Variants in TUBGCP3 observed in about 807,000 individuals in gnomAD.
TUBGCP3 encodes tubulin gamma complex component 3.
In TUBGCP3, 50 loss-of-function variants were observed where a neutral mutation model predicts 123.1. The ratio of observed to expected loss-of-function variants is 0.41; its 90% CI spans 0.32 to 0.51. The LOEUF (loss-of-function observed/expected upper bound fraction) is 0.51. TUBGCP3 is among the 20% of genes least tolerant of loss of function. The pLI is 0.36. For missense variants in TUBGCP3, 882 were observed against 1,127.0 expected (o/e 0.78, Z 3.11); for synonymous variants, 405 against 413.9 (o/e 0.98, Z 0.26).
In TUBGCP3 at chr13:112,527,262, C is replaced by T. The variant is rs145070693; in HGVS notation, c.1446+112G>A. ...ACATGCACTTACTTCATCTCCAGAACGTTAACAATCTCAAAACGCATGAAA... is the reference window on the plus strand; with the variant it reads ...ACATGCACTTACTTCATCTCCAGAATGTTAACAATCTCAAAACGCATGAAA... On this transcript the variant is annotated intron_variant, in intron 12 of 21. Coordinates refer to ENST00000261965, the MANE Select transcript of TUBGCP3 (RefSeq NM_006322.6). 1.6e-4 allele frequency: 137 copies of T among 832,966 alleles called. No individual in the cohort carries two copies. In the East Asian group the frequency reaches 3.1e-3, roughly 19 times the overall value. The allele number at this position is 832,966 out of a possible 1,614,324, so 51.6% of individuals were successfully genotyped here.
At chr13:112,538,655 C>G (rs1878258870) in intron 11 of TUBGCP3, among the ~76,000 whole-genome samples, 1 of 152,068 alleles carries the variant, frequency 6.6e-6, no homozygotes, top group South Asian at 2.1e-4. Context: ...CAATTTCTAT[C>G]TCTTTATTGA....
rs575215360 is a variant in TUBGCP3 at position 112,551,613 on chromosome 13, C to T, written c.966+2444G>A. 5.3e-5 allele frequency among the ~76,000 whole-genome samples: 8 copies of T among 152,302 alleles called. No individual in the cohort carries two copies. In the East Asian group the frequency reaches 1.5e-3, roughly 29 times the overall value. ...GAGACAGCTTTGGAACAGAGTGACA[C>T]GTCACACCCTAGTCCATACCTGCCA... is the stretch of plus-strand genomic sequence containing the variant. On this transcript the variant is annotated intron_variant, in intron 8 of 21. Transcript: ENST00000261965.
At position 112,519,898 on chromosome 13, in the gene TUBGCP3, C is replaced by T. The variant is rs201639739; in HGVS notation, c.1869G>A (p.Val623=). The change falls in exon 15 of 22, where the codon GTG becomes GTA. Residue 623 remains valine (V), a synonymous_variant. Transcript: ENST00000261965. The surrounding 1 kb of genome is among the most constrained non-coding windows in gnomAD (Gnocchi z 6.2). ...AGAGCCGCAGTACCTCCAGCAGCCG[C>T]ACGTCCAGCCTTCGCAGGATCTCAG... The part of the protein sequence containing the change: ...DSPEILRRLD[V]RLLEVSPGDT... 1 of 1,613,416 alleles carries T rather than the reference C, an allele frequency of 6.2e-7. No homozygotes were observed. The highest frequency in any genetic ancestry group is 2.2e-5 in the East Asian group (1 of 44,854).
chr13:112,600,449 G>C, the TUBGCP3 span, among the ~76,000 whole-genome samples: 1 of 151,986 alleles, frequency 6.6e-6, no homozygotes, highest in Non-Finnish European at 1.5e-5. Context: ...AGAATGATTT[G>C]TTGTTCTGAC....
intron 1 of TUBGCP3, 77 bp from the exon 2 acceptor site, chr13:112,569,336 C>T (rs1035273830): frequency 1.5e-6 from 2 of 1,305,078 alleles, no homozygotes; most frequent in South Asian, 1.2e-5. Context: ...CAGTTCAAGA[C>T]AGTGAACTAG....
At chr13:112,569,079 A>G (rs1189280528) in intron 2 of TUBGCP3, 73 bp downstream of exon 2, 3 of 1,391,398 alleles carry the variant, frequency 2.2e-6, no homozygotes, top group African/African-American at 1.4e-5. Context: ...ACCTACACAC[A>G]TGCATACATA....
At chr13:112,496,325 A>G (rs1328508695) in intron 20 of TUBGCP3, among the ~76,000 whole-genome samples, 3 of 152,218 alleles carry the variant, frequency 2.0e-5, no homozygotes, top group Non-Finnish European at 4.4e-5. Context: ...CCCCCACACA[A>G]TGGCAGCATA....
At chr13:112,521,757 G>T in intron 14 of TUBGCP3, 6 of 985,390 alleles carry the variant, frequency 6.1e-6, no homozygotes, top group Non-Finnish European at 7.2e-6. Flanking sequence ...CCCCTGGGAT[G>T]CTCATGCCCA....
intron 11 of TUBGCP3, among the ~76,000 whole-genome samples, chr13:112,538,783 A>G (rs1387851484): frequency 1.3e-5 from 2 of 152,192 alleles, no homozygotes; most frequent in Admixed American, 6.5e-5. Context: ...CACACACTTG[A>G]AAAAAATGCA....
intron 11 of TUBGCP3, among the ~76,000 whole-genome samples, chr13:112,537,951 T>C (rs986181898): frequency 6.6e-6 from 1 of 152,230 alleles, no homozygotes; most frequent in African/African-American, 2.4e-5. Flanking sequence ...GGGAATTCTG[T>C]TGGATACAGA....
Position 112,499,190 on chromosome 13 carries a change from A to C in TUBGCP3, c.2308-5T>G, listed in dbSNP as rs1265610869. On this transcript the variant is annotated splice_polypyrimidine_tract_variant and splice_region_variant and intron_variant, in intron 19 of 21. Coordinates refer to ENST00000261965, the MANE Select transcript of TUBGCP3 (RefSeq NM_006322.6). ...TCTAAGTTGATTTAAAAGTGCCTGA[A>C]AGAGATGACAATGTTTTATGAATAG... 1.1e-5 allele frequency: 18 copies of C among 1,599,416 alleles called. No individual in the cohort carries two copies. The highest frequency in any genetic ancestry group is 1.5e-5 in the Non-Finnish European group (18 of 1,174,630).
chr13:112,587,114 C>T (rs1400273291), intron 1 of TUBGCP3: 1 of 152,140 alleles, frequency 6.6e-6, no homozygotes, highest in African/African-American at 2.4e-5. Context: ...TCAGAAAATT[C>T]CCTCATGGTG....
At chr13:112,517,817 A>C (rs1247411314) in intron 16 of TUBGCP3, among the ~76,000 whole-genome samples, 2 of 152,116 alleles carry the variant, frequency 1.3e-5, no homozygotes, top group Admixed American at 6.5e-5. Context: ...CTTGAATCTC[A>C]GAGGTGAAGG....
chr13:112,493,255 G>A (rs1468285352), intron 20 of TUBGCP3, among the ~76,000 whole-genome samples: 4 of 150,738 alleles, frequency 2.7e-5, no homozygotes, highest in Admixed American at 1.3e-4. Flanking sequence ...ACAGGGCCTG[G>A]TGTGCCTGAG....
chr13:112,576,340 G>A (rs979566503), intron 1 of TUBGCP3, among the ~76,000 whole-genome samples: 1 of 152,160 alleles, frequency 6.6e-6, no homozygotes, highest in Non-Finnish European at 1.5e-5. Context: ...GTAGAAGAAA[G>A]CAATGCAACT....
intron 3 of TUBGCP3, 74 bp from the exon 4 acceptor site, chr13:112,559,473 C>T: frequency 8.4e-7 from 1 of 1,193,254 alleles, no homozygotes; most frequent in Non-Finnish European, 1.2e-6. Context: ...CTTTCCTGAA[C>T]TATATTTCCA....
At chr13:112,549,846 C>T (rs948915110) in intron 8 of TUBGCP3, among the ~76,000 whole-genome samples, 3 of 151,760 alleles carry the variant, frequency 2.0e-5, no homozygotes, top group Non-Finnish European at 2.9e-5. Flanking sequence ...AAAAATTAGC[C>T]GGGCGTGTTG....
chr13:112,595,626 T>C, the TUBGCP3 span, among the ~76,000 whole-genome samples: 1 of 152,340 alleles, frequency 6.6e-6, no homozygotes, highest in South Asian at 2.1e-4. Context: ...CTGATATTAA[T>C]AGGACTGCCT....
intron 7 of TUBGCP3, among the ~76,000 whole-genome samples, 198 bp downstream of exon 7, chr13:112,554,689 A>T (rs1260992536): frequency 6.6e-6 from 1 of 152,162 alleles, no homozygotes; most frequent in Non-Finnish European, 1.5e-5. Context: ...GGCACACATT[A>T]ATCACAAAGG....
Sources: allele counts gnomAD v4.1 joint callset (sites outside exome capture counted in the v4.1 genomes callset), GRCh38; gene constraint gnomAD v4.1.1; non-coding constraint Gnocchi (gnomAD v3.1); transcripts MANE v1.5; gene names NCBI Gene and HGNC (gene_info 2026-07-23, HGNC 2026-07-21).